The following EML6 variants were observed in gnomAD, a reference collection of about 807,000 sequenced individuals.
EML6 encodes the protein echinoderm microtubule-associated protein-like 6.
In EML6, 154 loss-of-function variants were observed where a neutral mutation model predicts 240.1. The ratio of observed to expected loss-of-function variants is 0.64; its 90% CI spans 0.56 to 0.73. The LOEUF is 0.73. Among genes scored for constraint, EML6 ranks in the 30% least tolerant of loss-of-function variants. The probability of loss-of-function intolerance (pLI) is 0.00; values close to 1 mark genes in which losing one functional copy is unlikely to be tolerated. For synonymous variants in EML6, 1,148 were observed against 899.0 expected, an observed-to-expected ratio of 1.28 and a Z score of -4.95; for missense variants, 2,964 against 2,474.6, an observed-to-expected ratio of 1.20 and a Z score of -4.20.
At chr2:54,895,985 T>G (rs1672741900) in intron 21 of EML6, among the ~76,000 whole-genome samples, 1 of 152,186 alleles carries the variant, frequency 6.6e-6, no homozygotes, top group African/African-American at 2.4e-5. Context: ...CCATATGCTG[T>G]TGGTTAGAAA....
chr2:54,791,406 A>G (rs1298175623), intron 2 of EML6, among the ~76,000 whole-genome samples: 3 of 152,154 alleles, frequency 2.0e-5, no homozygotes, highest in African/African-American at 7.2e-5. Context: ...TCTCACTGAA[A>G]TCTATGTATC....
At chr2:54,833,331 G>T (rs189171453) in intron 7 of EML6, among the ~76,000 whole-genome samples, 25 of 152,236 alleles carry the variant, frequency 1.6e-4, no homozygotes, top group African/African-American at 3.9e-4. Context: ...TGCAAGATTG[G>T]CATACATTTG....
chr2:54,771,188 T>C (rs73936455), intron 2 of EML6, among the ~76,000 whole-genome samples: 6,854 of 152,212 alleles, frequency 0.045, 501 homozygotes, highest in African/African-American at 0.15. Flanking sequence ...TTTGGAGTTA[T>C]AATTACAGTT....
rs866541418 is a variant in EML6, at chr2:54,866,798, A to G, written c.1965A>G (p.Gln655=). 1.3e-6 allele frequency: 2 copies of G among 1,551,178 alleles called. No homozygotes were observed. The highest frequency in any genetic ancestry group is 2.7e-5 in the African/African-American group (2 of 73,150). Residue 655 remains glutamine, a synonymous_variant, in exon 14 of 42, where the codon CAA becomes CAG. Transcript: ENST00000356458. Reference sequence around the variant, plus strand: ...AAGAAGATCTACCTCAGCTAAAGCAACAAAGTAAAGAGAAAAACCACGCAG... The same window carrying G: ...AAGAAGATCTACCTCAGCTAAAGCAGCAAAGTAAAGAGAAAAACCACGCAG... ...VYKEDLPQLK[Q]QSKEKNHAVP...
chr2:54,909,850 CAAAAAAAAAAAAA>C (rs34171697), intron 24 of EML6, among the ~76,000 whole-genome samples: 3 of 68,532 alleles, frequency 4.4e-5, no homozygotes, highest in African/African-American at 1.6e-4. Flanking sequence ...GACTCCATCT[CAAAAAAAAAAAAA>C]AAAAAAAAAG....
At chr2:54,785,301 G>A (rs571806754) in intron 2 of EML6, among the ~76,000 whole-genome samples, 2 of 151,404 alleles carry the variant, frequency 1.3e-5, no homozygotes, top group South Asian at 2.1e-4. Flanking sequence ...TCAGCCTCTC[G>A]AGCAGCTGGG....
At chr2:54,836,185 G>A (rs1669132459) in intron 7 of EML6, among the ~76,000 whole-genome samples, 1 of 152,172 alleles carries the variant, frequency 6.6e-6, no homozygotes, top group Non-Finnish European at 1.5e-5. Context: ...CAAGTTCCGT[G>A]TGTGACATGG....
intron 2 of EML6, among the ~76,000 whole-genome samples, chr2:54,781,402 C>G (rs112407162): frequency 0.012 from 1,773 of 152,238 alleles, 35 homozygotes; most frequent in African/African-American, 0.04. Context: ...GAAATAGTGT[C>G]ATTCTCAGAT....
intron 12 of EML6, among the ~76,000 whole-genome samples, chr2:54,863,254 C>T (rs1225225980): frequency 6.6e-6 from 1 of 152,172 alleles, no homozygotes; most frequent in Non-Finnish European, 1.5e-5. Flanking sequence ...TTTTTAAAAC[C>T]TGCCCATTTT....
At chr2:54,765,508 T>G (rs1668146090) in intron 2 of EML6, among the ~76,000 whole-genome samples, 1 of 152,226 alleles carries the variant, frequency 6.6e-6, no homozygotes, top group Non-Finnish European at 1.5e-5. Context: ...TCGCCCAGGT[T>G]GGAGTGCAGT....
Position 54,866,863 on chromosome 2 carries a change from T to A in EML6, c.2030T>A (p.Leu677Ter). 6.4e-7 allele frequency: 1 copy of A among 1,550,388 alleles called. No homozygotes were observed. Among genetic ancestry groups the A allele is most frequent in the Non-Finnish European group, 8.7e-7 (1 of 1,145,916 alleles). ...LKREKAPEDS[L>*]KLQFIHGYRG... ...CGAGAAAAGGCTCCTGAGGACAGCTTGAAACTCCAGTTCATACACGGGTGG... is the reference window on the plus strand; with the variant it reads ...CGAGAAAAGGCTCCTGAGGACAGCTAGAAACTCCAGTTCATACACGGGTGG... The change falls in exon 14 of 42, where the codon TTG becomes TAG. Residue 677 changes from leucine (L) to a stop codon, truncating the protein, a stop_gained. Coordinates refer to ENST00000356458, the MANE Select transcript of EML6 (RefSeq NM_001039753.4). LOFTEE classifies it high-confidence loss of function.
rs114432691 is a variant in EML6 at position 54,950,621 on chromosome 2, G to A, written c.4084-29G>A. 1,504 of 1,550,448 alleles carry A rather than the reference G, an allele frequency of 9.7e-4. 15 individuals carry two copies. The African/African-American group carries it at 0.018, about 18-fold the overall frequency. ...CGGCTCTCCCTTCCTTCCTCTGAGGGTCACATTGATCTGTGTGTGTGAATG... is the reference window on the plus strand; with the variant it reads ...CGGCTCTCCCTTCCTTCCTCTGAGGATCACATTGATCTGTGTGTGTGAATG... On this transcript the variant is annotated intron_variant, in intron 29 of 41. Transcript: ENST00000356458.
intron 2 of EML6, among the ~76,000 whole-genome samples, chr2:54,771,685 GT>G: frequency 6.6e-6 from 1 of 152,364 alleles, no homozygotes; most frequent in South Asian, 2.1e-4. Flanking sequence ...CACATACACA[GT>G]TGGGGTTGCA....
intron 26 of EML6, among the ~76,000 whole-genome samples, chr2:54,925,325 T>C (rs1350229787): frequency 1.3e-5 from 2 of 152,120 alleles, no homozygotes; most frequent in African/African-American, 4.8e-5. Flanking sequence ...GAGAAATAAA[T>C]TTCTGCTGTT....
chr2:54,792,123 G>A (rs1669486675), intron 2 of EML6, among the ~76,000 whole-genome samples: 1 of 152,162 alleles, frequency 6.6e-6, no homozygotes, highest in Admixed American at 6.5e-5. Context: ...ATAGAAGGGA[G>A]TATAAATTAC....
In EML6 at chr2:54,731,561, G is replaced by A. The variant is rs564921443; in HGVS notation, c.197+6303G>A. 1.1e-3 allele frequency among the ~76,000 whole-genome samples: 167 copies of A among 152,152 alleles called. 2 individuals are homozygous for A. The highest frequency in any genetic ancestry group is 3.8e-3 in the African/African-American group (158 of 41,490). On this transcript the variant is annotated intron_variant, in intron 2 of 41. Coordinates refer to ENST00000356458, the MANE Select transcript of EML6 (RefSeq NM_001039753.4). ...GAGCCTGGAAGGTCAAGACTGCAAT[G>A]TGCTGTGATCACACCATTGCACTCC... is the stretch of plus-strand genomic sequence containing the variant.
At chr2:54,869,737 C>T (rs184415963) in intron 15 of EML6, among the ~76,000 whole-genome samples, 4 of 152,282 alleles carry the variant, frequency 2.6e-5, no homozygotes, top group Non-Finnish European at 4.4e-5. Flanking sequence ...AATACTATAA[C>T]ATCTAGAGTA....
At chr2:54,808,877 C>T (rs1670640009) in intron 2 of EML6, among the ~76,000 whole-genome samples, 1 of 152,192 alleles carries the variant, frequency 6.6e-6, no homozygotes, top group African/African-American at 2.4e-5. Flanking sequence ...TCAATTTCTT[C>T]TCCCAGATAG....
chr2:54,899,852 C>A (rs1672963581), intron 22 of EML6, 70 bp downstream of exon 22: 6 of 1,428,200 alleles, frequency 4.2e-6, no homozygotes. Flanking sequence ...TTTATTCACT[C>A]AGTTAATATT....
Sources: gnomAD v4.1 joint callset for allele counts (sites outside exome capture counted in the v4.1 genomes callset) on GRCh38, gnomAD v4.1.1 for gene constraint, MANE v1.5 for transcripts, NCBI Gene and HGNC (gene_info 2026-07-23, HGNC 2026-07-21) for gene names.